The following ANK1 variants were observed in gnomAD, a reference collection of about 807,000 sequenced individuals.
ANK1 encodes the protein ankyrin 1, also known as ankyrin-1.
Under a neutral mutation model 210.4 loss-of-function variants are expected in ANK1, and 51 were observed. The ratio of observed to expected loss-of-function variants is 0.24; its 90% CI spans 0.19 to 0.31. The LOEUF is 0.31. Among genes scored for constraint, ANK1 ranks in the 10% least tolerant of loss-of-function variants. The pLI, the probability that ANK1 is intolerant of heterozygous loss-of-function variation, is 1.00. For missense variants in ANK1, 2,051 were observed against 2,504.4 expected, an observed-to-expected ratio of 0.82 and a Z score of 3.86; for synonymous variants, 967 against 1,025.9, an observed-to-expected ratio of 0.94 and a Z score of 1.10.
chr8:41,811,797 A>T (rs1802538077), intron 1 of ANK1, among the ~76,000 whole-genome samples: 1 of 152,270 alleles, frequency 6.6e-6, no homozygotes, highest in Non-Finnish European at 1.5e-5. Context: ...GTATGTGCTC[A>T]GTACATGTAG....
At chr8:41,703,961 C>A in intron 20 of ANK1, 80 bp downstream of exon 20, 1 of 1,342,042 alleles carries the variant, frequency 7.5e-7, no homozygotes, top group Admixed American at 1.7e-5. Flanking sequence ...CGTGCATTAA[C>A]CTCTACGGTT....
Position 41,664,803 on chromosome 8 carries a change from A to T in ANK1, c.5395-1061T>A, listed in dbSNP as rs1418403914. The T allele has an allele frequency of 3.7e-6, 6 of 1,603,020 alleles. No homozygotes were observed. In the South Asian group the frequency reaches 6.7e-5, roughly 18 times the overall value. ...CCTGCCGGCCTCCTGCCAGGCGGTT[A>T]CCTTCAGGAAGACCCGCCGCCGGAC... is the stretch of plus-strand genomic sequence containing the variant. On this transcript the variant is annotated intron_variant, in intron 39 of 42. Transcript: ENST00000289734.
intron 1 of ANK1, among the ~76,000 whole-genome samples, chr8:41,855,718 C>A (rs1812071388): frequency 6.6e-6 from 1 of 152,206 alleles, no homozygotes. Context: ...TGCGAGTGTG[C>A]TCTGCAGGCT....
In ANK1 at chr8:41,700,444, A is replaced by G. The variant is rs532536875; in HGVS notation, c.2462-896T>C. ...AGCATTTCATACCCATTATAGTTAT[A>G]TGAGCAGTTCCTGGAAAGCAAAGGA... is the stretch of plus-strand genomic sequence containing the variant. On this transcript the variant is annotated intron_variant, in intron 22 of 42. Coordinates refer to ENST00000289734, the MANE Select transcript of ANK1 (RefSeq NM_000037.4). 87 of 1,613,836 alleles carry G rather than the reference A, an allele frequency of 5.4e-5. No individual in the cohort carries two copies. In the East Asian group the frequency reaches 1.8e-3, roughly 33 times the overall value.
chr8:41,803,105 A>G (rs373586177), intron 1 of ANK1, among the ~76,000 whole-genome samples: 1,328 of 104,216 alleles, frequency 0.013, 9 homozygotes, highest in Non-Finnish European at 0.023. Flanking sequence ...AAAGGAAAGG[A>G]AAGGAAAGGA....
intron 1 of ANK1, among the ~76,000 whole-genome samples, chr8:41,894,018 C>T (rs1011052491): frequency 7.2e-5 from 11 of 152,204 alleles, no homozygotes; most frequent in Non-Finnish European, 1.6e-4. Context: ...GAGCTTTCCA[C>T]CTGCTTGTGA....
At chr8:41,718,675 T>G (rs1828400378) in intron 10 of ANK1, among the ~76,000 whole-genome samples, 1 of 152,230 alleles carries the variant, frequency 6.6e-6, no homozygotes, top group Non-Finnish European at 1.5e-5. Context: ...TTTTGTCTGT[T>G]TTTTTCAGTG....
At chr8:41,714,040 A>T in intron 16 of ANK1, 116 bp downstream of exon 16, 1 of 689,012 alleles carries the variant, frequency 1.5e-6, no homozygotes. Flanking sequence ...CTGAGGTAAA[A>T]ATAGCAACAG....
At chr8:41,764,713 G>C (rs1165159966) in intron 1 of ANK1, among the ~76,000 whole-genome samples, 1 of 152,166 alleles carries the variant, frequency 6.6e-6, no homozygotes, top group African/African-American at 2.4e-5. Flanking sequence ...TTCTACCTGT[G>C]TGCGTGTTCG....
At position 41,866,308 on chromosome 8, in the gene ANK1, A is replaced by T. The variant is rs149212818; in HGVS notation, c.126+30047T>A. On this transcript the variant is annotated intron_variant, in intron 1 of 42. Coordinates refer to the ANK1 transcript ENST00000265709. ...GGGCTCAAGCGATTCTCCTATCTCGACTTCCCGGGTAGCTGAGACCACAGG... is the reference window on the plus strand; with the variant it reads ...GGGCTCAAGCGATTCTCCTATCTCGTCTTCCCGGGTAGCTGAGACCACAGG... Among the ~76,000 whole-genome samples, 1,396 of 152,116 alleles carry T rather than the reference A, an allele frequency of 9.2e-3. 7 individuals are homozygous for T. Among genetic ancestry groups the T allele is most frequent in the Non-Finnish European group, 0.016 (1,076 of 67,978 alleles).
rs750185555 is a variant in ANK1, at chr8:41,714,997, T to C, written c.1680A>G (p.Ala560=). ...TCACTTTTCCGGCAGCATTCGGGTG[T>C]GCGTCCCGCTCCAGCAGCAGCTCTG... ...RVAELLLERD[A]HPNAAGKNGL... Residue 560 remains alanine (A), a synonymous_variant, in exon 15 of 43, where the codon GCA becomes GCG. Coordinates refer to ENST00000289734, the MANE Select transcript of ANK1 (RefSeq NM_000037.4). 27 of 1,614,010 alleles carry C rather than the reference T, an allele frequency of 1.7e-5. No homozygotes were observed. The highest frequency in any genetic ancestry group is 2.1e-5 in the Non-Finnish European group (25 of 1,180,024).
At chr8:41,791,695 T>G (rs571404731) in intron 1 of ANK1, among the ~76,000 whole-genome samples, 1 of 152,120 alleles carries the variant, frequency 6.6e-6, no homozygotes, top group Non-Finnish European at 1.5e-5. Context: ...ACTCCCAAAG[T>G]GGGGAGGCAC....
chr8:41,692,899 T>A, intron 30 of ANK1, 23 bp from the exon 31 acceptor site: 1 of 1,605,164 alleles, frequency 6.2e-7, no homozygotes, highest in Non-Finnish European at 8.5e-7. Flanking sequence ...GCGAGTTATG[T>A]GTTCCCAAGT....
intron 1 of ANK1, among the ~76,000 whole-genome samples, chr8:41,780,633 C>T (rs185839283): frequency 2.0e-4 from 31 of 152,296 alleles, no homozygotes; most frequent in South Asian, 6.2e-4. Context: ...CAGCGCTGGC[C>T]GCCAAGGGAA....
At position 41,841,823 on chromosome 8, in the gene ANK1, G is replaced by A. The variant is rs75939622; in HGVS notation, c.126+54532C>T. Among the ~76,000 whole-genome samples the A allele has an allele frequency of 4.5e-3, 680 of 152,292 alleles. 4 individuals are homozygous for A. The highest frequency in any genetic ancestry group is 0.028 in the East Asian group (147 of 5,180). ...TATTTCCTCCTCAAAGGGTAAACCC[G>A]GAGACATGGTCCTAACTGGTAACCA... On this transcript the variant is annotated intron_variant, in intron 1 of 42. Transcript: ENST00000265709.
intron 37 of ANK1, among the ~76,000 whole-genome samples, chr8:41,673,917 C>T (rs961861098): frequency 1.3e-5 from 2 of 152,206 alleles, no homozygotes; most frequent in Non-Finnish European, 2.9e-5. Context: ...AAGGGGGACC[C>T]TGGGAATGGG....
intron 1 of ANK1, among the ~76,000 whole-genome samples, chr8:41,763,601 T>C (rs1456060253): frequency 6.6e-6 from 1 of 152,168 alleles, no homozygotes; most frequent in Non-Finnish European, 1.5e-5. Flanking sequence ...CAGGCAGCCC[T>C]GACAGGCTGG....
At chr8:41,711,075 C>T (rs762980412) in intron 16 of ANK1, among the ~76,000 whole-genome samples, 1 of 152,144 alleles carries the variant, frequency 6.6e-6, no homozygotes, top group Non-Finnish European at 1.5e-5. Context: ...GTAACAAGAT[C>T]GGCATTTGGA....
chr8:41,720,878 C>G (rs1374850818), intron 9 of ANK1, among the ~76,000 whole-genome samples: 1 of 152,084 alleles, frequency 6.6e-6, no homozygotes. Context: ...GTTCGACAGT[C>G]CGGGGTGAGG....
Sources: gnomAD v4.1 joint callset for allele counts (sites outside exome capture counted in the v4.1 genomes callset) on GRCh38, gnomAD v4.1.1 for gene constraint, MANE v1.5 for transcripts, NCBI Gene and HGNC (gene_info 2026-07-23, HGNC 2026-07-21) for gene names.